Variants in TSHZ3 observed in about 807,000 individuals in gnomAD.
TSHZ3 encodes the protein teashirt homolog 3.
In TSHZ3, 10 loss-of-function variants were observed where a neutral mutation model predicts 64.5. The observed-to-expected ratio is 0.16, with a 90% confidence interval of 0.10 to 0.26. The LOEUF is 0.26. Ranked by LOEUF, TSHZ3 falls within the 10% of genes least tolerant of loss-of-function variation. The pLI, the probability that TSHZ3 is intolerant of heterozygous loss-of-function variation, is 1.00. For synonymous variants in TSHZ3, 608 were observed against 593.1 expected (o/e 1.03, Z -0.36); for missense variants, 1,242 against 1,421.7 (o/e 0.87, Z 2.03).
chr19:31,213,507 T>C, intron 4 of TSHZ3, among the ~76,000 whole-genome samples: 1 of 152,070 alleles, frequency 6.6e-6, no homozygotes, highest in Non-Finnish European at 1.5e-5. Flanking sequence ...TTTGTACATT[T>C]GTGTAAACCC....
Position 31,199,682 on chromosome 19 carries a change from A to G in TSHZ3, n.809+5274T>C, listed in dbSNP as rs1975047807. On this transcript the variant is annotated intron_variant and non_coding_transcript_variant, in intron 5 of 6. Transcript: ENST00000651361. ...ATGGTAACCCTTTAGATATAATGTC[A>G]AAGGGATGATCCATGAAAGAACTAA... Among the ~76,000 whole-genome samples the G allele has an allele frequency of 2.7e-5, 4 of 149,366 alleles. No homozygotes were observed. The South Asian group carries it at 8.6e-4, about 32-fold the overall frequency.
At chr19:31,217,856 A>C (rs1046056200) in intron 4 of TSHZ3, among the ~76,000 whole-genome samples, 2 of 152,118 alleles carry the variant, frequency 1.3e-5, no homozygotes, top group South Asian at 2.1e-4. Context: ...TGGTCTTTTC[A>C]CTGTCTTTAC....
chr19:31,159,086 G>A (rs754220015), intron 5 of TSHZ3, among the ~76,000 whole-genome samples: 4 of 152,056 alleles, frequency 2.6e-5, no homozygotes, highest in African/African-American at 4.8e-5. Flanking sequence ...TGCAACCTCC[G>A]CCTCCTGGGT....
chr19:31,187,545 T>C (rs944917235), intron 5 of TSHZ3, among the ~76,000 whole-genome samples: 1 of 152,180 alleles, frequency 6.6e-6, no homozygotes, highest in Non-Finnish European at 1.5e-5. Flanking sequence ...CTGTGTTTAT[T>C]TATAAGACCT....
In TSHZ3 at chr19:31,278,199, A is replaced by G. The variant is rs1976287413; in HGVS notation, c.1594T>C (p.Ser532Pro). The G allele has an allele frequency of 6.2e-7, 1 of 1,614,054 alleles. No individual in the cohort carries two copies. The highest frequency in any genetic ancestry group is 8.5e-7 in the Non-Finnish European group (1 of 1,180,000). The part of the protein sequence containing the change: ...ILKSLENTVT[S>P]AINKAQNGTP... ...CCGTTCTGGGCCTTGTTGATTGCGG[A>G]TGTCACTGTGTTTTCCAAGGATTTG... Residue 532 changes from serine to proline, a missense_variant, in exon 2 of 2, where the codon TCC becomes CCC. This residue lies in a region of TSHZ3 where 555 missense variants were observed against 704.0 expected (regional missense o/e 0.79). Coordinates refer to ENST00000240587, the MANE Select transcript of TSHZ3 (RefSeq NM_020856.4). This position sits in a 1 kb window ranked among gnomAD's most constrained non-coding sequence, Gnocchi z 4.7.
chr19:31,230,202 TA>T (rs1178354322), intron 3 of TSHZ3, among the ~76,000 whole-genome samples: 12 of 152,112 alleles, frequency 7.9e-5, no homozygotes, highest in Admixed American at 4.6e-4. Context: ...TCCAAGGTCA[TA>T]AAAAAATCAT....
intron 1 of TSHZ3, among the ~76,000 whole-genome samples, chr19:31,298,383 G>C (rs926459359): frequency 2.0e-5 from 3 of 152,124 alleles, no homozygotes; most frequent in African/African-American, 7.2e-5. Flanking sequence ...CAGATACTCA[G>C]TCAATTTCTT....
At chr19:31,283,816 T>C (rs944580711) in intron 1 of TSHZ3, among the ~76,000 whole-genome samples, 1 of 152,128 alleles carries the variant, frequency 6.6e-6, no homozygotes, top group Non-Finnish European at 1.5e-5. Context: ...CCTGGCTGGA[T>C]AGAAGGAAGG....
In TSHZ3 at chr19:31,349,247, G is replaced by C. The variant is rs1445292030; in HGVS notation, c.-28C>G. On this transcript the variant is annotated 5_prime_UTR_variant, in exon 1 of 2. Coordinates refer to ENST00000240587, the MANE Select transcript of TSHZ3 (RefSeq NM_020856.4). ...TGCTTCTCCGGCGACTGCCACTGCC[G>C]CCGCCGCCGCCGCTGCCGGGCTGAG... 6.5e-7 allele frequency: 1 copy of C among 1,528,414 alleles called. No individual in the cohort carries two copies. The highest frequency in any genetic ancestry group is 2.0e-5 in the Admixed American group (1 of 49,912). The allele number at this position is 1,528,414 out of a possible 1,614,324, so 94.7% of individuals were successfully genotyped here.
chr19:31,182,299 G>T (rs1642951566), intron 5 of TSHZ3, among the ~76,000 whole-genome samples: 1 of 152,174 alleles, frequency 6.6e-6, no homozygotes. Context: ...GCATGGAATT[G>T]TTGGCCAGAT....
At chr19:31,164,181 A>G (rs1369779954) in intron 5 of TSHZ3, among the ~76,000 whole-genome samples, 1 of 152,138 alleles carries the variant, frequency 6.6e-6, no homozygotes, top group Non-Finnish European at 1.5e-5. Context: ...AAAGAGAACG[A>G]GACCAGCCAG....
intron 1 of TSHZ3, among the ~76,000 whole-genome samples, chr19:31,323,052 T>C (rs910326052): frequency 6.6e-6 from 1 of 152,232 alleles, no homozygotes; most frequent in South Asian, 2.1e-4. Context: ...ATGTGTTGGG[T>C]TGGTATTGTA....
chr19:31,233,056 T>G (rs1165687442), intron 3 of TSHZ3, among the ~76,000 whole-genome samples: 1 of 152,226 alleles, frequency 6.6e-6, no homozygotes, highest in Non-Finnish European at 1.5e-5. Context: ...TATGGACATA[T>G]GTTTTCATTT....
At chr19:31,267,168 G>A (rs75490136) in intron 1 of TSHZ3, among the ~76,000 whole-genome samples, 1 of 152,062 alleles carries the variant, frequency 6.6e-6, no homozygotes, top group South Asian at 2.1e-4. Flanking sequence ...TTTTCTTCTT[G>A]TTCTTGATGA....
intron 1 of TSHZ3, among the ~76,000 whole-genome samples, chr19:31,251,487 C>G (rs1418818832): frequency 6.6e-6 from 1 of 152,192 alleles, no homozygotes; most frequent in East Asian, 1.9e-4. Context: ...ACCTGTGCAA[C>G]AGGCACCTCT....
At chr19:31,303,412 C>T (rs563760169) in intron 1 of TSHZ3, among the ~76,000 whole-genome samples, 2 of 152,330 alleles carry the variant, frequency 1.3e-5, no homozygotes, top group African/African-American at 4.8e-5. Context: ...ACCGGAGACG[C>T]ACTTGGTCCA....
intron 5 of TSHZ3, among the ~76,000 whole-genome samples, chr19:31,178,076 G>C (rs1011563528): frequency 6.6e-6 from 1 of 152,142 alleles, no homozygotes; most frequent in Non-Finnish European, 1.5e-5. Context: ...CTCACAGCAG[G>C]GACAGCCTGA....
At chr19:31,230,542 T>C (rs1975525302) in intron 3 of TSHZ3, among the ~76,000 whole-genome samples, 1 of 152,078 alleles carries the variant, frequency 6.6e-6, no homozygotes, top group Non-Finnish European at 1.5e-5. Flanking sequence ...AGGAAGCTTT[T>C]TCGGGGAAAT....
chr19:31,258,869 G>A (rs1975948239), intron 1 of TSHZ3, among the ~76,000 whole-genome samples: 1 of 152,122 alleles, frequency 6.6e-6, no homozygotes, highest in African/African-American at 2.4e-5. Context: ...TGGCCCATCG[G>A]GTCGATTCCT....
Sources: gnomAD v4.1 joint callset for allele counts (sites outside exome capture counted in the v4.1 genomes callset) on GRCh38, gnomAD v4.1.1 for gene constraint, gnomAD v4.1.1 regional missense constraint, Gnocchi (gnomAD v3.1) non-coding constraint, MANE v1.5 for transcripts, NCBI Gene and HGNC (gene_info 2026-07-23, HGNC 2026-07-21) for gene names.